Variants in SDR9C7 observed in about 807,000 individuals in gnomAD.
SDR9C7 encodes the protein short-chain dehydrogenase/reductase family 9C member 7.
SDR9C7 carries 11 observed loss-of-function variants against 23.6 expected under a neutral mutation model. The ratio of observed to expected loss-of-function variants is 0.47; its 90% CI spans 0.29 to 0.77. The LOEUF (loss-of-function observed/expected upper bound fraction) is 0.77, where lower values mean the gene tolerates loss of function less well. Among genes scored for constraint, SDR9C7 ranks in the 30% least tolerant of loss-of-function variants. The pLI, the probability that SDR9C7 is intolerant of heterozygous loss-of-function variation, is 0.09. For missense variants in SDR9C7, 387 were observed against 407.1 expected, an observed-to-expected ratio of 0.95 and a Z score of 0.42; for synonymous variants, 167 against 157.3, an observed-to-expected ratio of 1.06 and a Z score of -0.46.
chr12:56,932,716 A>G (rs1406503249), intron 1 of SDR9C7, among the ~76,000 whole-genome samples: 1 of 152,240 alleles, frequency 6.6e-6, no homozygotes, highest in Non-Finnish European at 1.5e-5. Flanking sequence ...TCAGTACCTT[A>G]CTAGGTGCCA....
At chr12:56,929,578 T>A in intron 2 of SDR9C7, 25 bp from the exon 3 acceptor site, 1 of 1,589,088 alleles carries the variant, frequency 6.3e-7, no homozygotes, top group Non-Finnish European at 8.6e-7. Flanking sequence ...TTGCAGTCAG[T>A]CTGGGCCCCA....
chr12:56,924,743 A>G (rs1384893248), intron 3 of SDR9C7, among the ~76,000 whole-genome samples: 1 of 152,216 alleles, frequency 6.6e-6, no homozygotes, highest in African/African-American at 2.4e-5. Flanking sequence ...CAACATGGTG[A>G]CACCTTGTCT....
chr12:56,926,559 G>T (rs1955735656), intron 3 of SDR9C7, among the ~76,000 whole-genome samples: 2 of 152,152 alleles, frequency 1.3e-5, no homozygotes, highest in South Asian at 4.2e-4. Flanking sequence ...AATGGCAATG[G>T]CAAAGGTTTG....
chr12:56,929,302 T>A lies in SDR9C7; in HGVS notation c.724+88A>T. 4 of 1,349,096 alleles carry A rather than the reference T, an allele frequency of 3.0e-6. No individual in the cohort carries two copies. In the South Asian group the frequency reaches 5.1e-5, roughly 17 times the overall value. The allele number at this position is 1,349,096 out of a possible 1,614,324, so 83.6% of individuals were successfully genotyped here. ...GGGTCCTGAACTCCTCTGCATTTTG[T>A]CTCACCATCTGTAAACGGAAAGCCA... is the stretch of plus-strand genomic sequence containing the variant. On this transcript the variant is annotated intron_variant, in intron 3 of 3. Coordinates refer to ENST00000293502, the MANE Select transcript of SDR9C7 (RefSeq NM_148897.3).
At chr12:56,928,369 C>T (rs992426460) in intron 3 of SDR9C7, among the ~76,000 whole-genome samples, 6 of 152,338 alleles carry the variant, frequency 3.9e-5, no homozygotes, top group African/African-American at 1.4e-4. Flanking sequence ...CTCAGAAGCT[C>T]TCCCCTTCAC....
At chr12:56,924,124 A>G (rs1269266956) in intron 3 of SDR9C7, 74 bp from the exon 4 acceptor site, 4 of 1,055,416 alleles carry the variant, frequency 3.8e-6, no homozygotes, top group Middle Eastern at 2.2e-4. Flanking sequence ...ATTCCATCCA[A>G]GTTCCCTTTC....
rs775092893 is a variant in SDR9C7, at chr12:56,930,250, AC to A, written c.535del (p.Val179LeufsTer8). On this transcript the variant is annotated frameshift_variant, in exon 2 of 4. Transcript: ENST00000293502. LOFTEE classifies it high-confidence loss of function. ...CCTTATGCTGTCAGAGAAGGCCTCA[AC>A]GCCAAACTTGGAGACGCAGTAGCCA... Reference protein sequence around the residue: ...GGGYCVSKFGVEAFSDSIRRE... With the variant: ...GGGYCVSKFGXEAFSDSIRRE... The A allele has an allele frequency of 6.2e-7, 1 of 1,614,142 alleles. No individual in the cohort carries two copies. Among genetic ancestry groups the A allele is most frequent in the South Asian group, 1.1e-5 (1 of 91,082 alleles).
At chr12:56,929,593 G>A (rs948340166) in intron 2 of SDR9C7, 40 bp from the exon 3 acceptor site, 3 of 1,585,042 alleles carry the variant, frequency 1.9e-6, no homozygotes, top group African/African-American at 2.7e-5. Flanking sequence ...GCCCCAAGAT[G>A]ACAATCATCA....
intron 2 of SDR9C7, among the ~76,000 whole-genome samples, chr12:56,929,921 C>T (rs1176256717): frequency 6.6e-6 from 1 of 152,168 alleles, no homozygotes; most frequent in South Asian, 2.1e-4. Flanking sequence ...CCAGAGGGGA[C>T]CTGTGCCTCC....
rs564321725 is a variant in SDR9C7 at position 56,928,156 on chromosome 12, C to T, written c.724+1234G>A. 2.6e-5 allele frequency among the ~76,000 whole-genome samples: 4 copies of T among 152,310 alleles called. No individual in the cohort carries two copies. The South Asian group carries it at 8.3e-4, about 32-fold the overall frequency. On this transcript the variant is annotated intron_variant, in intron 3 of 3. Coordinates refer to ENST00000293502, the MANE Select transcript of SDR9C7 (RefSeq NM_148897.3). Reference sequence around the variant, plus strand: ...ACCCTTGATAGCTTCCTCTCCCTCACCCCTTAATCCTCAGTGTGCTTTGAT... The same window carrying T: ...ACCCTTGATAGCTTCCTCTCCCTCATCCCTTAATCCTCAGTGTGCTTTGAT...
chr12:56,923,724 T>G lies in SDR9C7; in HGVS notation c.*109A>C. The G allele has an allele frequency of 4.4e-6, 4 of 900,422 alleles. No individual in the cohort carries two copies. Among genetic ancestry groups the G allele is most frequent in the Non-Finnish European group, 6.8e-6 (4 of 592,010 alleles). 55.8% of individuals were successfully genotyped at this position (900,422 alleles called of 1,614,324 possible). On this transcript the variant is annotated 3_prime_UTR_variant, in exon 4 of 4. Coordinates refer to ENST00000293502, the MANE Select transcript of SDR9C7 (RefSeq NM_148897.3). ...CAGTGGGTGTCAGCTGAGCCAAGCT[T>G]CCTTTGCAGCCAATGCCCCCAGGAT...
chr12:56,927,442 T>A (rs1228336767), intron 3 of SDR9C7, among the ~76,000 whole-genome samples: 1 of 152,216 alleles, frequency 6.6e-6, no homozygotes, highest in Non-Finnish European at 1.5e-5. Context: ...CATGCTAACA[T>A]CTTCTCTCCT....
chr12:56,926,060 C>T (rs191337276), intron 3 of SDR9C7, among the ~76,000 whole-genome samples: 154 of 152,350 alleles, frequency 1.0e-3, no homozygotes, highest in African/African-American at 3.7e-3. Flanking sequence ...CTTTGTCACT[C>T]TCCTTCACAG....
At chr12:56,933,336 C>T (rs1955778815) in intron 1 of SDR9C7, among the ~76,000 whole-genome samples, 1 of 152,132 alleles carries the variant, frequency 6.6e-6, no homozygotes. Flanking sequence ...ACTGCTGAAA[C>T]ATCAGAGAGG....
intron 3 of SDR9C7, among the ~76,000 whole-genome samples, chr12:56,927,656 T>C (rs1281099790): frequency 6.6e-6 from 1 of 152,168 alleles, no homozygotes; most frequent in Non-Finnish European, 1.5e-5. Context: ...GAGTGTACAT[T>C]AGGACTTTTG....
chr12:56,932,859 T>A (rs974742657), intron 1 of SDR9C7, among the ~76,000 whole-genome samples: 4 of 152,300 alleles, frequency 2.6e-5, no homozygotes, highest in African/African-American at 7.2e-5. Flanking sequence ...TAGTGATAAG[T>A]GCTAAGGAGA....
At chr12:56,932,165 G>A (rs1955772251) in intron 1 of SDR9C7, among the ~76,000 whole-genome samples, 1 of 151,498 alleles carries the variant, frequency 6.6e-6, no homozygotes, top group African/African-American at 2.4e-5. Flanking sequence ...GTGGAATGGA[G>A]GTTGCTAATT....
chr12:56,933,859 C>T (rs1955782013), intron 1 of SDR9C7, 102 bp downstream of exon 1: 3 of 1,402,254 alleles, frequency 2.1e-6, no homozygotes, highest in Admixed American at 4.1e-5. Flanking sequence ...ACCCCTCCCA[C>T]CCAATCTGGA....
chr12:56,934,129 G>C lies in SDR9C7; in HGVS notation c.133C>G (p.Leu45Val). The C allele has an allele frequency of 6.2e-7, 1 of 1,614,224 alleles. No individual in the cohort carries two copies. Among genetic ancestry groups the C allele is most frequent in the South Asian group, 1.1e-5 (1 of 91,088 alleles). ...AGCACCTGCATGCCCCGATCAACCA[G>C]CTGTTTGGCCAGCAGGTTCCCGAAG... Reference protein sequence around the residue: ...SGFGNLLAKQLVDRGMQVLAA... With the variant: ...SGFGNLLAKQVVDRGMQVLAA... The change falls in exon 1 of 4, where the codon CTG becomes GTG. Residue 45 changes from leucine (L) to valine (V), a missense_variant. Physicochemically the swap from Leu to Val is conservative, Grantham distance 32 (BLOSUM62 1). Transcript: ENST00000293502.
Sources: allele counts gnomAD v4.1 joint callset (sites outside exome capture counted in the v4.1 genomes callset), GRCh38; gene constraint gnomAD v4.1.1; transcripts MANE v1.5; gene names NCBI Gene and HGNC (gene_info 2026-07-23, HGNC 2026-07-21).